ABCC3: variants seen among roughly 807,000 people sequenced by gnomAD.
The protein encoded by ABCC3 is ATP binding cassette subfamily C member 3.
ABCC3 carries 121 observed loss-of-function variants against 165.3 expected under a neutral mutation model. That is an observed-to-expected ratio of 0.73 (90% CI 0.63 to 0.85). ABCC3 has a LOEUF of 0.85. Among genes scored for constraint, ABCC3 ranks in the 40% least tolerant of loss-of-function variants. The probability of loss-of-function intolerance (pLI) is 0.00; values close to 1 mark genes in which losing one functional copy is unlikely to be tolerated. For missense variants in ABCC3, 1,869 were observed against 1,964.1 expected (o/e 0.95, Z 0.92); for synonymous variants, 733 against 810.1 (o/e 0.90, Z 1.62).
At chr17:50,637,404 C>T (rs1241019534) in intron 1 of ABCC3, among the ~76,000 whole-genome samples, 3 of 152,208 alleles carry the variant, frequency 2.0e-5, no homozygotes, top group African/African-American at 4.8e-5. Context: ...GAGTTCTGGG[C>T]TGTTCATTTG....
intron 26 of ABCC3, among the ~76,000 whole-genome samples, chr17:50,682,548 CT>C (rs1967947464): frequency 6.6e-6 from 1 of 152,036 alleles, no homozygotes; most frequent in Non-Finnish European, 1.5e-5. Flanking sequence ...CCATTTATGC[CT>C]GCTGTTCCCT....
intron 11 of ABCC3, among the ~76,000 whole-genome samples, chr17:50,665,599 GT>G (rs1191465788): frequency 9.6e-5 from 14 of 145,634 alleles, no homozygotes; most frequent in South Asian, 8.7e-4. Context: ...TTCTTGAAGT[GT>G]TTTTTTTCTT....
intron 1 of ABCC3, among the ~76,000 whole-genome samples, chr17:50,644,332 A>AAAAAAAT (rs1966956294): frequency 6.9e-6 from 1 of 145,482 alleles, no homozygotes; most frequent in Non-Finnish European, 1.5e-5. Flanking sequence ...AAAAAAAAAA[A>AAAAAAAT]GGAAGAAGGG....
At chr17:50,667,358 G>T (rs774890236) in intron 11 of ABCC3, among the ~76,000 whole-genome samples, 196 bp from the exon 12 acceptor site, 2 of 152,138 alleles carry the variant, frequency 1.3e-5, no homozygotes, top group Non-Finnish European at 2.9e-5. Context: ...ATCTTGTCAG[G>T]CAGAGGACAC....
chr17:50,644,986 C>G (rs1334767681), intron 1 of ABCC3, among the ~76,000 whole-genome samples: 1 of 152,162 alleles, frequency 6.6e-6, no homozygotes, highest in African/African-American at 2.4e-5. Flanking sequence ...CCACTGCACT[C>G]CAGCCTGGGC....
At chr17:50,687,265 A>G in intron 29 of ABCC3, 1 of 453,846 alleles carries the variant, frequency 2.2e-6, no homozygotes, top group Admixed American at 3.5e-5. Flanking sequence ...AGGATGGGGA[A>G]GAAAGCACCG....
chr17:50,673,980 C>CTTTCCTTCCTTCCTTCCTTCCTTCCT (rs1967725765), intron 19 of ABCC3, among the ~76,000 whole-genome samples: 7 of 9,404 alleles, frequency 7.4e-4, no homozygotes, highest in African/African-American at 1.3e-3. Flanking sequence ...TTCTTTCTTT[C>CTTTCCTTCCTTCCTTCCTTCCTTCCT]TCTCTCTCTC....
chr17:50,679,916 G>A lies in ABCC3; in HGVS notation c.3807+17G>A, dbSNP rs921501545. On this transcript the variant is annotated intron_variant, in intron 26 of 30. Transcript: ENST00000285238. ...GAGACAGAGGTGGGTACTGGCATGA[G>A]CCCGGGACAGGGGGAATCTGAAGTA... 2 of 1,601,706 alleles carry A rather than the reference G, an allele frequency of 1.2e-6. No individual in the cohort carries two copies. Among genetic ancestry groups the A allele is most frequent in the Non-Finnish European group, 1.7e-6 (2 of 1,169,002 alleles).
Position 50,674,018 on chromosome 17 carries a change from CTCTCTCTCTCTCTCTCTCTT to C in ABCC3, c.2599+364_2599+383del, listed in dbSNP as rs1567835669. Among the ~76,000 whole-genome samples the C allele has an allele frequency of 6.1e-4, 5 of 8,250 alleles. 1 individual carries two copies. The highest frequency in any genetic ancestry group is 5.2e-3 in the East Asian group (4 of 776). 5.4% of individuals were successfully genotyped at this position (8,250 alleles called of 152,430 possible). A position where few individuals can be genotyped will look rare whatever the true frequency, so the allele number is the denominator to read the frequency against. ...TCTCTCTCTCTCTCTCTCTCTCTCTCTCTCTCTCTCTCTCTCTCTTTCTTTCTTTCTTTCTTTCTTTCTTT... is the reference window on the plus strand; with the variant it reads ...TCTCTCTCTCTCTCTCTCTCTCTCTCTCTTTCTTTCTTTCTTTCTTTCTTT... On this transcript the variant is annotated intron_variant, in intron 19 of 30. Transcript: ENST00000285238.
At chr17:50,672,915 C>A in intron 17 of ABCC3, 56 bp from the exon 18 acceptor site, 10 of 1,519,842 alleles carry the variant, frequency 6.6e-6, no homozygotes, top group Non-Finnish European at 8.1e-6. Flanking sequence ...GTGGACAGGC[C>A]GTTGTCTCCC....
At chr17:50,646,125 G>A (rs1966997960) in intron 1 of ABCC3, among the ~76,000 whole-genome samples, 1 of 152,176 alleles carries the variant, frequency 6.6e-6, no homozygotes, top group Admixed American at 6.5e-5. Context: ...AAGGGTGGGA[G>A]AATTGGGAAT....
chr17:50,684,800 C>G lies in ABCC3; in HGVS notation c.4205C>G (p.Ser1402Cys). ...GACATTTGGTGGGCTTTGGAGCTGT[C>G]CCACCTGCACACGTTTGTGAGCTCC... ...EEDIWWALEL[S>C]HLHTFVSSQP... The change falls in exon 29 of 31, where the codon TCC (serine) becomes TGC (cysteine). Residue 1402 changes from serine (S) to cysteine (C), a missense_variant. By Grantham distance (112) the Ser-to-Cys change is moderately radical. Coordinates refer to ENST00000285238, the MANE Select transcript of ABCC3 (RefSeq NM_003786.4). 1 of 1,614,144 alleles carries G rather than the reference C, an allele frequency of 6.2e-7. No individual in the cohort carries two copies. Among genetic ancestry groups the G allele is most frequent in the Non-Finnish European group, 8.5e-7 (1 of 1,180,022 alleles).
Position 50,683,742 on chromosome 17 carries a change from C to T in ABCC3, c.3940C>T (p.His1314Tyr), listed in dbSNP as rs1197143519. ...GCTGAGAGACCTGAGTCTGCATGTG[C>T]ACGGTGGCGAGAAGGTACGCGTGGG... ...LVLRDLSLHV[H>Y]GGEKVGIVGR... Residue 1314 changes from histidine (H) to tyrosine (Y), a missense_variant, in exon 27 of 31, where the codon CAC becomes TAC. Transcript: ENST00000285238. The T allele has an allele frequency of 1.9e-6, 3 of 1,606,288 alleles. No homozygotes were observed. Among genetic ancestry groups the T allele is most frequent in the Non-Finnish European group, 2.5e-6 (3 of 1,177,200 alleles).
chr17:50,661,679 C>G (rs1255437892), intron 8 of ABCC3, among the ~76,000 whole-genome samples: 2 of 152,206 alleles, frequency 1.3e-5, no homozygotes, highest in African/African-American at 2.4e-5. Flanking sequence ...ATTTATTGAA[C>G]CTCCAGGGTA....
intron 23 of ABCC3, among the ~76,000 whole-genome samples, chr17:50,676,891 G>C (rs1004096959): frequency 2.7e-5 from 4 of 150,156 alleles, no homozygotes; most frequent in African/African-American, 9.8e-5. Flanking sequence ...TTTTTTGGGG[G>C]GGGGGGGACG....
At chr17:50,663,491 G>C (rs1967442575) in intron 8 of ABCC3, 190 bp from the exon 9 acceptor site, 1 of 622,684 alleles carries the variant, frequency 1.6e-6, no homozygotes. Flanking sequence ...GGTGAAGGCA[G>C]AGTGGAGCCA....
At chr17:50,668,365 G>A in intron 13 of ABCC3, 65 bp from the exon 14 acceptor site, 1 of 1,428,246 alleles carries the variant, frequency 7.0e-7, no homozygotes, top group Non-Finnish European at 9.8e-7. Context: ...CTGGGGATGG[G>A]GCGAGGGTAG....
Position 50,677,736 on chromosome 17 carries a change from T to C in ABCC3, c.3379-8T>C. On this transcript the variant is annotated splice_region_variant and splice_polypyrimidine_tract_variant and intron_variant, in intron 23 of 30. Transcript: ENST00000285238. ...GCCCTGACCCCAAACTCCTTCTCCC[T>C]CCATCAGCGCTTCTATGCAGCCACA... 6.2e-7 allele frequency: 1 copy of C among 1,613,108 alleles called. No homozygotes were observed. Among genetic ancestry groups the C allele is most frequent in the East Asian group, 2.2e-5 (1 of 44,860 alleles).
chr17:50,666,876 T>C (rs1967536351), intron 11 of ABCC3, among the ~76,000 whole-genome samples: 1 of 152,130 alleles, frequency 6.6e-6, no homozygotes, highest in South Asian at 2.1e-4. Context: ...GAAACATATA[T>C]GTAAAGGAAT....
Sources: allele counts gnomAD v4.1 joint callset (sites outside exome capture counted in the v4.1 genomes callset), GRCh38; gene constraint gnomAD v4.1.1; transcripts MANE v1.5; gene names NCBI Gene and HGNC (gene_info 2026-07-23, HGNC 2026-07-21).